Variants in PDE11A observed in about 807,000 individuals in gnomAD.
The protein encoded by PDE11A is dual 3',5'-cyclic-AMP and -GMP phosphodiesterase 11A.
PDE11A carries 100 observed loss-of-function variants against 100.5 expected under a neutral mutation model. That is an observed-to-expected ratio of 1.00 (90% CI 0.85 to 1.18). PDE11A has a LOEUF of 1.18. Ranked by LOEUF, PDE11A falls within the 50% of genes most tolerant of loss-of-function variation. PDE11A has a pLI of 0.00. For synonymous variants in PDE11A, 381 were observed against 420.8 expected, an observed-to-expected ratio of 0.91 and a Z score of 1.16; for missense variants, 1,141 against 1,152.6, an observed-to-expected ratio of 0.99 and a Z score of 0.15.
chr2:177,987,054 G>A (rs998161895), intron 2 of PDE11A, among the ~76,000 whole-genome samples: 2 of 152,092 alleles, frequency 1.3e-5, no homozygotes, highest in African/African-American at 4.8e-5. Context: ...AACAGAAATA[G>A]ATTAACCAAT....
At chr2:177,700,219 C>T (rs1055721490) in intron 14 of PDE11A, among the ~76,000 whole-genome samples, 1 of 151,924 alleles carries the variant, frequency 6.6e-6, no homozygotes, top group Non-Finnish European at 1.5e-5. Context: ...TTTATGGGGT[C>T]GAAGGCCTCC....
intron 2 of PDE11A, among the ~76,000 whole-genome samples, chr2:178,091,692 A>T (rs1453194844): frequency 6.6e-6 from 1 of 152,110 alleles, no homozygotes; most frequent in African/African-American, 2.4e-5. Context: ...GGGCTGCCTC[A>T]CACTACACAA....
intron 2 of PDE11A, chr2:177,997,226 G>A (rs1446557569): frequency 3.5e-5 from 46 of 1,309,436 alleles, no homozygotes; most frequent in Admixed American, 1.5e-4. Context: ...CGATTTCTTC[G>A]TGTGCCCCAA....
At chr2:177,881,341 G>GTCTGTCTATCTA (rs1553485622) in intron 4 of PDE11A, among the ~76,000 whole-genome samples, 5 of 147,520 alleles carry the variant, frequency 3.4e-5, no homozygotes, top group Admixed American at 1.3e-4. Flanking sequence ...TCATCTATCT[G>GTCTGTCTATCTA]TCTATCTATC....
chr2:177,922,782 C>T (rs2085072084), intron 2 of PDE11A: 2 of 985,072 alleles, frequency 2.0e-6, no homozygotes. Flanking sequence ...ATTCCCAACA[C>T]ACAGTGGACT....
chr2:177,979,069 G>T (rs1163707440), intron 2 of PDE11A, among the ~76,000 whole-genome samples: 2 of 99,716 alleles, frequency 2.0e-5, no homozygotes, highest in African/African-American at 4.7e-5. Flanking sequence ...CTAAAACTTA[G>T]AGTATAATAA....
At chr2:178,020,318 T>C (rs896313241) in intron 1 of PDE11A, among the ~76,000 whole-genome samples, 2 of 152,200 alleles carry the variant, frequency 1.3e-5, no homozygotes, top group Non-Finnish European at 2.9e-5. Flanking sequence ...ACTCTGAGTC[T>C]GAGTAGACCA....
intron 2 of PDE11A, among the ~76,000 whole-genome samples, chr2:177,911,418 A>G (rs930223062): frequency 2.0e-5 from 3 of 152,218 alleles, no homozygotes; most frequent in South Asian, 2.1e-4. Flanking sequence ...CAAATTCAAT[A>G]AAGATGAAAG....
chr2:178,084,998 A>G (rs536798308), intron 2 of PDE11A, among the ~76,000 whole-genome samples: 62 of 152,322 alleles, frequency 4.1e-4, no homozygotes, highest in Non-Finnish European at 5.9e-4. Context: ...CTTATGCCAC[A>G]CAAGTGGGAA....
chr2:177,965,317 G>A (rs1307673572), intron 2 of PDE11A, among the ~76,000 whole-genome samples: 3 of 152,138 alleles, frequency 2.0e-5, no homozygotes, highest in Admixed American at 6.6e-5. Context: ...CATCCTGTAG[G>A]TTGTCTGTTT....
At chr2:177,893,874 TA>T (rs2084569697) in intron 4 of PDE11A, among the ~76,000 whole-genome samples, 1 of 152,224 alleles carries the variant, frequency 6.6e-6, no homozygotes. Flanking sequence ...CTTATTATTA[TA>T]AAAATATACC....
intron 2 of PDE11A, among the ~76,000 whole-genome samples, chr2:177,933,889 G>A (rs546296204): frequency 4.3e-4 from 65 of 152,202 alleles, no homozygotes; most frequent in African/African-American, 1.3e-3. Flanking sequence ...GAAAGGACTC[G>A]TTGTTCAATG....
chr2:178,031,664 TA>T (rs1179668172), intron 1 of PDE11A, among the ~76,000 whole-genome samples: 3 of 152,064 alleles, frequency 2.0e-5, no homozygotes, highest in Non-Finnish European at 4.4e-5. Flanking sequence ...TAAAGAAGAT[TA>T]AATTGGAAAA....
At chr2:178,090,256 A>G (rs2087405139) in intron 2 of PDE11A, among the ~76,000 whole-genome samples, 1 of 152,242 alleles carries the variant, frequency 6.6e-6, no homozygotes, top group Non-Finnish European at 1.5e-5. Flanking sequence ...CAGAAATAAT[A>G]TATATTCAAT....
chr2:177,965,226 T>C (rs1392559954), intron 2 of PDE11A, among the ~76,000 whole-genome samples: 3 of 152,240 alleles, frequency 2.0e-5, no homozygotes, highest in Non-Finnish European at 4.4e-5. Context: ...GTTTGCTTTT[T>C]GCTTGCTAAT....
chr2:177,817,532 C>G (rs985789306), intron 8 of PDE11A, among the ~76,000 whole-genome samples: 8 of 152,098 alleles, frequency 5.3e-5, no homozygotes, highest in African/African-American at 1.9e-4. Context: ...GGCAGCACGC[C>G]TGGCAGAGCT....
chr2:177,656,747 G>A (rs2080391022), intron 19 of PDE11A, among the ~76,000 whole-genome samples: 1 of 152,220 alleles, frequency 6.6e-6, no homozygotes, highest in African/African-American at 2.4e-5. Flanking sequence ...ACAGTGCTGT[G>A]GAATGTTGTG....
intron 9 of PDE11A, among the ~76,000 whole-genome samples, chr2:177,810,528 G>A (rs1294062524): frequency 1.3e-5 from 2 of 152,120 alleles, no homozygotes; most frequent in Non-Finnish European, 2.9e-5. Context: ...AATTGAAACA[G>A]AGAATGACAA....
At chr2:177,676,147 G>A (rs961801133) in intron 16 of PDE11A, 1 of 167,706 alleles carries the variant, frequency 6.0e-6, no homozygotes, top group African/African-American at 2.4e-5. Context: ...ACATAAGAAA[G>A]CACAGGAATG....
Sources: gnomAD v4.1 joint callset for allele counts (sites outside exome capture counted in the v4.1 genomes callset) on GRCh38, gnomAD v4.1.1 for gene constraint, MANE v1.5 for transcripts, NCBI Gene and HGNC (gene_info 2026-07-23, HGNC 2026-07-21) for gene names.